The following DOK6 variants were observed in gnomAD, a reference collection of about 807,000 sequenced individuals.
DOK6 encodes the protein downstream of tyrosine kinase 6.
In DOK6, 22 loss-of-function variants were observed where a neutral mutation model predicts 44.0. The ratio of observed to expected loss-of-function variants is 0.50; its 90% CI spans 0.36 to 0.71. DOK6 has a LOEUF of 0.71. Among genes scored for constraint, DOK6 ranks in the 30% least tolerant of loss-of-function variants. The pLI is 0.00. For synonymous variants in DOK6, 166 were observed against 145.5 expected (o/e 1.14, Z -1.01); for missense variants, 340 against 416.4 (o/e 0.82, Z 1.60).
At chr18:69,487,944 C>T (rs372466561) in intron 1 of DOK6, among the ~76,000 whole-genome samples, 4 of 152,188 alleles carry the variant, frequency 2.6e-5, no homozygotes, top group African/African-American at 4.8e-5. Context: ...CCACTCACAT[C>T]GAGCCCACAT....
intron 3 of DOK6, among the ~76,000 whole-genome samples, chr18:69,641,211 C>T (rs1984933174): frequency 6.8e-6 from 1 of 147,390 alleles, no homozygotes; most frequent in African/African-American, 2.5e-5. Flanking sequence ...AAGACTCCGT[C>T]TCAAAAAAAA....
intron 1 of DOK6, among the ~76,000 whole-genome samples, chr18:69,505,940 AC>A (rs1377305258): frequency 1.9e-3 from 287 of 152,090 alleles, no homozygotes; most frequent in African/African-American, 6.4e-3. Flanking sequence ...CTGGACACTT[AC>A]CCATATGCTT....
intron 1 of DOK6, among the ~76,000 whole-genome samples, chr18:69,402,590 G>A (rs1483962896): frequency 1.3e-5 from 2 of 152,190 alleles, no homozygotes; most frequent in African/African-American, 4.8e-5. Context: ...GACTCTTGGT[G>A]CTGCCTCTGC....
At chr18:69,749,544 T>C (rs1361897274) in intron 6 of DOK6, among the ~76,000 whole-genome samples, 1 of 152,186 alleles carries the variant, frequency 6.6e-6, no homozygotes, top group Admixed American at 6.5e-5. Context: ...GGAATGTCGA[T>C]TGATATTAAT....
intron 1 of DOK6, among the ~76,000 whole-genome samples, chr18:69,411,432 A>G (rs1363089904): frequency 6.6e-6 from 1 of 152,116 alleles, no homozygotes; most frequent in Non-Finnish European, 1.5e-5. Context: ...GTATCTAGGA[A>G]AGGTACTGTA....
chr18:69,732,211 T>C (rs930644575), intron 5 of DOK6, among the ~76,000 whole-genome samples: 6 of 152,324 alleles, frequency 3.9e-5, no homozygotes, highest in African/African-American at 1.4e-4. Flanking sequence ...GTGATTAACA[T>C]TGGGAGTTAA....
intron 5 of DOK6, among the ~76,000 whole-genome samples, chr18:69,715,318 C>T (rs2144718888): frequency 6.6e-6 from 1 of 152,166 alleles, no homozygotes; most frequent in East Asian, 1.9e-4. Flanking sequence ...AAATGGAAGC[C>T]ACATTTATTA....
intron 1 of DOK6, among the ~76,000 whole-genome samples, chr18:69,534,617 C>G (rs1982070908): frequency 6.6e-6 from 1 of 151,780 alleles, no homozygotes; most frequent in South Asian, 2.1e-4. Context: ...AGCCAGTATT[C>G]TCAGTGGTCC....
At chr18:69,617,568 AAAAG>A (rs766601809) in intron 3 of DOK6, among the ~76,000 whole-genome samples, 13 of 109,984 alleles carry the variant, frequency 1.2e-4, no homozygotes, top group Middle Eastern at 4.1e-3. Context: ...TGATAGGAGA[AAAAG>A]AAAGAAAGAG....
At chr18:69,428,816 A>G (rs1015732922) in intron 1 of DOK6, among the ~76,000 whole-genome samples, 3 of 152,262 alleles carry the variant, frequency 2.0e-5, no homozygotes, top group African/African-American at 7.2e-5. Flanking sequence ...ACAAACTCCT[A>G]GAGTGTCAGT....
chr18:69,457,796 T>G (rs1337008225), intron 1 of DOK6, among the ~76,000 whole-genome samples: 1 of 152,194 alleles, frequency 6.6e-6, no homozygotes, highest in Non-Finnish European at 1.5e-5. Flanking sequence ...TTTGTTTGTG[T>G]CATCTCAGAT....
chr18:69,724,035 A>C (rs1568105736), intron 5 of DOK6, among the ~76,000 whole-genome samples: 1 of 152,204 alleles, frequency 6.6e-6, no homozygotes, highest in Non-Finnish European at 1.5e-5. Flanking sequence ...GAAAAGAAAC[A>C]CAGGAGATTT....
intron 3 of DOK6, among the ~76,000 whole-genome samples, chr18:69,672,709 G>A (rs1448984467): frequency 6.7e-6 from 1 of 148,744 alleles, no homozygotes; most frequent in African/African-American, 2.5e-5. Context: ...AAAAAAAAAG[G>A]GGGGGGTGGG....
chr18:69,753,242 A>T (rs1410846227), intron 6 of DOK6, among the ~76,000 whole-genome samples: 1 of 152,198 alleles, frequency 6.6e-6, no homozygotes, highest in East Asian at 1.9e-4. Context: ...AATGGGAAAA[A>T]CACAAGGAAC....
At chr18:69,630,820 C>T (rs888850381) in intron 3 of DOK6, among the ~76,000 whole-genome samples, 1 of 152,094 alleles carries the variant, frequency 6.6e-6, no homozygotes, top group Non-Finnish European at 1.5e-5. Context: ...CTGTAAAATA[C>T]TTCTGGTATT....
At chr18:69,586,171 G>A (rs996660267) in intron 2 of DOK6, among the ~76,000 whole-genome samples, 8 of 152,110 alleles carry the variant, frequency 5.3e-5, no homozygotes, top group African/African-American at 1.9e-4. Flanking sequence ...AGCAGTTACC[G>A]AAACCACAAC....
At position 69,706,781 on chromosome 18, in the gene DOK6, G is replaced by A. The variant is rs564096379; in HGVS notation, c.599+8188G>A. 2.0e-5 allele frequency among the ~76,000 whole-genome samples: 3 copies of A among 149,296 alleles called. No homozygotes were observed. The South Asian group carries it at 6.3e-4, about 32-fold the overall frequency. ...TCCCACCTATGAGTGAGAACATGCG[G>A]TGTTTGGTTTTTTTGTCCTTGTGAT... On this transcript the variant is annotated intron_variant, in intron 5 of 7. Coordinates refer to ENST00000382713, the MANE Select transcript of DOK6 (RefSeq NM_152721.6).
At chr18:69,469,986 C>A in intron 1 of DOK6, 1 of 181,114 alleles carries the variant, frequency 5.5e-6, no homozygotes, top group East Asian at 1.8e-4. Flanking sequence ...CCCCTACCCG[C>A]TGGGTATCCA....
rs143586327 is a variant in DOK6, at chr18:69,514,661, A to G, written c.67-49826A>G. On this transcript the variant is annotated intron_variant, in intron 1 of 7. Transcript: ENST00000382713. Reference sequence around the variant, plus strand: ...CATGATTAATGTCATTTAACCAGCAAGCATATTAATTTATCCCACATCTTT... The same window carrying G: ...CATGATTAATGTCATTTAACCAGCAGGCATATTAATTTATCCCACATCTTT... Among the ~76,000 whole-genome samples the G allele has an allele frequency of 1.3e-3, 192 of 152,102 alleles. 1 individual carries two copies. Among genetic ancestry groups the G allele is most frequent in the African/African-American group, 4.3e-3 (178 of 41,556 alleles).
Sources: gnomAD v4.1 joint callset for allele counts (sites outside exome capture counted in the v4.1 genomes callset) on GRCh38, gnomAD v4.1.1 for gene constraint, MANE v1.5 for transcripts, NCBI Gene and HGNC (gene_info 2026-07-23, HGNC 2026-07-21) for gene names.